Variants in USP54 observed in about 807,000 individuals in gnomAD.
USP54 encodes ubiquitin specific peptidase 54.
Under a neutral mutation model 170.5 loss-of-function variants are expected in USP54, and 87 were observed. The observed-to-expected ratio is 0.51, with a 90% CI of 0.43 to 0.61. The LOEUF (loss-of-function observed/expected upper bound fraction) is 0.61. Among genes scored for constraint, USP54 ranks in the 20% least tolerant of loss-of-function variants. The probability of loss-of-function intolerance (pLI) is 0.00; values close to 1 mark genes in which losing one functional copy is unlikely to be tolerated. For synonymous variants in USP54, 655 were observed against 742.8 expected (o/e 0.88, Z 1.92); for missense variants, 1,786 against 2,047.8 (o/e 0.87, Z 2.47).
At chr10:73,586,475 A>AT (rs1210859740) in intron 1 of USP54, among the ~76,000 whole-genome samples, 1 of 152,140 alleles carries the variant, frequency 6.6e-6, no homozygotes, top group Non-Finnish European at 1.5e-5. Context: ...CGTGGACTAC[A>AT]TTTTGTCTTA....
In USP54 at chr10:73,530,803, GT is replaced by G; in HGVS notation, c.1347del (p.Lys449AsnfsTer9). 1 of 1,614,074 alleles carries G rather than the reference GT, an allele frequency of 6.2e-7. No individual in the cohort carries two copies. Among genetic ancestry groups the G allele is most frequent in the Non-Finnish European group, 8.5e-7 (1 of 1,179,988 alleles). ...GHLTDSECNQ[K>X]HTSKKGSLIE... is the part of the protein sequence containing the mutation. ...ATCAGTGACCCTTTCTTGGATGTGT[GT>G]TTCTGATTACATTCACTATCAGTCA... On this transcript the variant is annotated frameshift_variant, in exon 13 of 24. Transcript: ENST00000687698. LOFTEE classifies it high-confidence loss of function.
chr10:73,508,098 G>A (rs1411392823), intron 20 of USP54, among the ~76,000 whole-genome samples: 2 of 152,064 alleles, frequency 1.3e-5, no homozygotes, highest in Non-Finnish European at 2.9e-5. Context: ...CCTCCTGAAG[G>A]GAGTAGAATC....
chr10:73,617,636 C>A (rs1323558398), intron 1 of USP54, among the ~76,000 whole-genome samples: 1 of 149,966 alleles, frequency 6.7e-6, no homozygotes, highest in Non-Finnish European at 1.5e-5. Flanking sequence ...TCAAGATCAG[C>A]CTGGGCAATA....
chr10:73,516,530 C>A lies in USP54; in HGVS notation c.3896G>T (p.Arg1299Ile), dbSNP rs150112870. 7 of 1,614,186 alleles carry A rather than the reference C, an allele frequency of 4.3e-6. No homozygotes were observed. In the Admixed American group the frequency reaches 8.3e-5, roughly 19 times the overall value. The change falls in exon 20 of 24, where the codon AGA becomes ATA. Residue 1299 changes from arginine to isoleucine, a missense_variant. By Grantham distance (97) the Arg-to-Ile change is moderately conservative (BLOSUM62 -3). Around this residue, in one of 3 missense-constraint regions of USP54, gnomAD observed 1,418 missense variants for 1,569.0 expected, o/e 0.90. Transcript: ENST00000687698. ...ATGTGGATGCAAAAGGATGTGATTTCTCTCTGGATAGGTTACACACGTATG... is the reference window on the plus strand; with the variant it reads ...ATGTGGATGCAAAAGGATGTGATTTATCTCTGGATAGGTTACACACGTATG... ...DSHTCVTYPE[R>I]NHILLHPHWN...
At chr10:73,526,858 C>CAA (rs537234019) in intron 15 of USP54, 78 bp from the exon 16 acceptor site, 279 of 1,117,730 alleles carry the variant, frequency 2.5e-4, no homozygotes, top group East Asian at 2.6e-4. Context: ...ATCTCTCTCT[C>CAA]AAAAAAAAAA....
At chr10:73,545,769 T>C (rs2067652716) in intron 4 of USP54, 97 bp from the exon 5 acceptor site, 1 of 1,417,498 alleles carries the variant, frequency 7.1e-7, no homozygotes, top group Non-Finnish European at 9.6e-7. Flanking sequence ...TGATGATAGC[T>C]ATGAAACCAA....
At chr10:73,615,630 T>A (rs1252692484) in intron 1 of USP54, among the ~76,000 whole-genome samples, 7 of 150,188 alleles carry the variant, frequency 4.7e-5, no homozygotes, top group Admixed American at 1.3e-4. Context: ...AATATTTTTT[T>A]AAAAATAAAG....
At position 73,499,105 on chromosome 10, in the gene USP54, A is replaced by C; in HGVS notation, c.4579T>G (p.Leu1527Val). The C allele has an allele frequency of 6.2e-7, 1 of 1,614,056 alleles. No homozygotes were observed. The highest frequency in any genetic ancestry group is 8.5e-7 in the Non-Finnish European group (1 of 1,179,992). ...SQGAKYTGRT[L>V]NYQSLPHRSR... ...CGATGGGGGAGGCTCTGGTAGTTCA[A>C]AGTCCTTCCTGTGTACTTGGCCCCT... The change falls in exon 24 of 24, where the codon TTG becomes GTG. Residue 1527 changes from leucine (L) to valine (V), a missense_variant. Leu to Val is a conservative substitution (Grantham distance 32, BLOSUM62 1). Transcript: ENST00000687698.
intron 3 of USP54, 124 bp from the exon 4 acceptor site, chr10:73,571,637 C>T: frequency 1.5e-6 from 1 of 648,296 alleles, no homozygotes; most frequent in Admixed American, 3.2e-5. Flanking sequence ...AAGAAAACTT[C>T]ATTCTAGTAT....
chr10:73,623,898 A>C (rs1183542270), intron 1 of USP54, among the ~76,000 whole-genome samples: 2 of 151,982 alleles, frequency 1.3e-5, no homozygotes, highest in Non-Finnish European at 2.9e-5. Flanking sequence ...TAAGTGGCTA[A>C]ATGAATTAAT....
chr10:73,614,442 T>A (rs984337671), intron 1 of USP54, among the ~76,000 whole-genome samples: 3 of 147,702 alleles, frequency 2.0e-5, no homozygotes, highest in Non-Finnish European at 2.9e-5. Flanking sequence ...GCACCTGTAG[T>A]CCCAGCTACT....
chr10:73,623,433 T>C (rs1222032141), intron 1 of USP54, among the ~76,000 whole-genome samples: 2 of 150,562 alleles, frequency 1.3e-5, no homozygotes, highest in African/African-American at 4.9e-5. Flanking sequence ...GAGGCAGGAG[T>C]ATCACTTGAG....
rs568980908 is a variant in USP54 at position 73,531,739 on chromosome 10, C to T, written c.1316-904G>A. On this transcript the variant is annotated intron_variant, in intron 12 of 23. Transcript: ENST00000687698. ...GAAACTTGGCTCCATCCAGAGATTA[C>T]ACTTCATAGTTCCTTAATACTAATC... Among the ~76,000 whole-genome samples, 65 of 152,318 alleles carry T rather than the reference C, an allele frequency of 4.3e-4. 1 individual carries two copies. The South Asian group carries it at 8.1e-3, about 19-fold the overall frequency.
At chr10:73,503,113 CTT>C (rs770173148) in intron 22 of USP54, among the ~76,000 whole-genome samples, 2 of 152,160 alleles carry the variant, frequency 1.3e-5, no homozygotes, top group South Asian at 4.1e-4. Context: ...TGTATCCTCT[CTT>C]GTCAACACTC....
At chr10:73,623,370 A>G (rs575126940) in intron 1 of USP54, among the ~76,000 whole-genome samples, 6 of 152,254 alleles carry the variant, frequency 3.9e-5, no homozygotes, top group African/African-American at 1.4e-4. Flanking sequence ...TGGGCAACAG[A>G]GCAAAACCCT....
At chr10:73,511,267 T>G (rs2060161392) in intron 20 of USP54, among the ~76,000 whole-genome samples, 1 of 152,036 alleles carries the variant, frequency 6.6e-6, no homozygotes. Context: ...AACTCTGATA[T>G]AATAAAACCC....
chr10:73,500,890 A>T, intron 22 of USP54, 52 bp from the exon 23 acceptor site: 1 of 1,552,904 alleles, frequency 6.4e-7, no homozygotes. Context: ...AACACAAAGC[A>T]GGATGTAGTT....
intron 1 of USP54, among the ~76,000 whole-genome samples, chr10:73,585,463 A>G (rs1252980836): frequency 6.6e-6 from 1 of 152,186 alleles, no homozygotes; most frequent in East Asian, 1.9e-4. Flanking sequence ...CAGGTGTCAC[A>G]TGGCGAGAGA....
intron 1 of USP54, among the ~76,000 whole-genome samples, chr10:73,588,055 A>T (rs569071020): frequency 7.9e-5 from 12 of 152,126 alleles, no homozygotes; most frequent in Non-Finnish European, 1.6e-4. Flanking sequence ...TCTCTCCCCC[A>T]TCTCTCTTTC....
Sources: allele counts gnomAD v4.1 joint callset (sites outside exome capture counted in the v4.1 genomes callset), GRCh38; gene constraint gnomAD v4.1.1; regional missense constraint gnomAD v4.1.1; transcripts MANE v1.5; gene names NCBI Gene and HGNC (gene_info 2026-07-23, HGNC 2026-07-21).